ATG9B: variants seen among roughly 807,000 people sequenced by gnomAD.
ATG9B encodes the protein autophagy related 9B, also known as autophagy-related protein 9B.
A neutral mutation model predicts 92.9 loss-of-function variants in ATG9B; 92 were observed. The ratio of observed to expected loss-of-function variants is 0.99; its 90% confidence interval spans 0.84 to 1.18. The LOEUF (loss-of-function observed/expected upper bound fraction) is 1.18. Among genes scored for constraint, ATG9B ranks in the 50% most tolerant of loss-of-function variants. ATG9B has a pLI of 0.00. For synonymous variants in ATG9B, 599 were observed against 551.4 expected, an observed-to-expected ratio of 1.09 and a Z score of -1.21; for missense variants, 1,344 against 1,235.0, an observed-to-expected ratio of 1.09 and a Z score of -1.32.
intron 13 of ATG9B, 59 bp downstream of exon 13, chr7:151,015,812 TTCAAGTCGGAC>T: frequency 6.7e-7 from 1 of 1,491,714 alleles, no homozygotes; most frequent in Non-Finnish European, 9.0e-7. Context: ...CTCCCATCGC[TTCAAGTCGGAC>T]TCCAAACCAA....
downstream of ATG9B, chr7:151,014,212 C>T: frequency 1.3e-6 from 2 of 1,558,034 alleles, no homozygotes; most frequent in Non-Finnish European, 1.7e-6. Context: ...GAGCGGCTGC[C>T]CGACTCAGGT....
chr7:151,023,152 G>A lies in ATG9B; in HGVS notation c.714C>T (p.Tyr238=). 1 of 1,614,190 alleles carries A rather than the reference G, an allele frequency of 6.2e-7. No homozygotes were observed. ...TTGGTTGGTTGGCAAAGAGAACATT[G>A]TAATCCACGCATCGAAGGAGGAAGG... The part of the protein sequence containing the change: ...FTTFLLRCVD[Y]NVLFANQPSN... Residue 238 remains tyrosine (Y), a synonymous_variant, in exon 4 of 14, where the codon TAC becomes TAT. Transcript: ENST00000639579.
In ATG9B at chr7:151,018,511, G is replaced by A; in HGVS notation, c.1719-64C>T. ...TAGGAGGACGCGCGGTGGGATGTAGGGCTAGAGGGCCCCAGTGGTGGGAGA... is the reference window on the plus strand; with the variant it reads ...TAGGAGGACGCGCGGTGGGATGTAGAGCTAGAGGGCCCCAGTGGTGGGAGA... On this transcript the variant is annotated intron_variant, in intron 6 of 13. Coordinates refer to ENST00000639579, the MANE Select transcript of ATG9B (RefSeq NM_001317056.2). The surrounding 1 kb of genome is among the most constrained non-coding windows in gnomAD (Gnocchi z 4.7). The A allele has an allele frequency of 6.6e-7, 1 of 1,523,766 alleles. No homozygotes were observed. Among genetic ancestry groups the A allele is most frequent in the Non-Finnish European group, 8.8e-7 (1 of 1,137,646 alleles). The allele number at this position is 1,523,766 out of a possible 1,614,324, so 94.4% of individuals were successfully genotyped here. A position where few individuals can be genotyped will look rare whatever the true frequency, so the allele number is the denominator to read the frequency against.
chr7:151,012,535 G>T (rs528215012), downstream of ATG9B: 5 of 1,552,298 alleles, frequency 3.2e-6, no homozygotes, highest in African/African-American at 6.8e-5. Context: ...AGAGGGGTGG[G>T]GCTGGAAGGC....
In ATG9B at chr7:151,018,831, G is replaced by GGC. The variant is rs1273652431; in HGVS notation, c.1505_1506dup (p.Leu503AlafsTer52). ...GCGGCGGGGCGGTAGGCGCGGGCCAGGCGCGCGCGCAGCTCGTGCGGCAGC... is the reference window on the plus strand; with the variant it reads ...GCGGCGGGGCGGTAGGCGCGGGCCAGGCGCGCGCGCGCAGCTCGTGCGGCAGC... On this transcript the variant is annotated frameshift_variant, in exon 6 of 14. Transcript: ENST00000639579. LOFTEE classifies it high-confidence loss of function. The surrounding 1 kb of genome is among the most constrained non-coding windows in gnomAD (Gnocchi z 4.7). 2.3e-6 allele frequency: 3 copies of GGC among 1,294,734 alleles called. No individual in the cohort carries two copies. The highest frequency in any genetic ancestry group is 6.4e-5 in the East Asian group (2 of 31,010). The allele number at this position is 1,294,734 out of a possible 1,614,324, so 80.2% of individuals were successfully genotyped here.
At position 151,018,497 on chromosome 7, in the gene ATG9B, G is replaced by T. The variant is rs1365074106; in HGVS notation, c.1719-50C>A. Reference sequence around the variant, plus strand: ...AAGGGGCCTGCGATTAGGAGGACGCGCGGTGGGATGTAGGGCTAGAGGGCC... The same window carrying T: ...AAGGGGCCTGCGATTAGGAGGACGCTCGGTGGGATGTAGGGCTAGAGGGCC... On this transcript the variant is annotated intron_variant, in intron 6 of 13. Transcript: ENST00000639579. The surrounding 1 kb of genome is among the most constrained non-coding windows in gnomAD (Gnocchi z 4.7). 2 of 1,513,626 alleles carry T rather than the reference G, an allele frequency of 1.3e-6. No individual in the cohort carries two copies. The highest frequency in any genetic ancestry group is 2.2e-5 in the Admixed American group (1 of 45,838). 93.8% of individuals were successfully genotyped at this position (1,513,626 alleles called of 1,614,324 possible).
At position 151,023,705 on chromosome 7, in the gene ATG9B, C is replaced by T. The variant is rs572227770; in HGVS notation, c.576G>A (p.Leu192=). Residue 192 remains leucine (L), a synonymous_variant, in exon 2 of 14, where the codon CTG becomes CTA. Transcript: ENST00000639579. The stretch of plus-strand genomic sequence containing the variant: ...AGGATATCTTGGTGAAGAAACTGTC[C>T]AGGTTCTGGATGTGATGCCAGGAGC... ...LRGSWHHIQN[L]DSFFTKIYSY... 1 of 1,614,084 alleles carries T rather than the reference C, an allele frequency of 6.2e-7. No individual in the cohort carries two copies. The highest frequency in any genetic ancestry group is 2.2e-5 in the East Asian group (1 of 44,882).
At position 151,018,711 on chromosome 7, in the gene ATG9B, G is replaced by A. The variant is rs1225690378; in HGVS notation, c.1627C>T (p.Leu543Phe). Residue 543 changes from leucine to phenylalanine, a missense_variant, in exon 6 of 14, where the codon CTT becomes TTT. By Grantham distance (22) the Leu-to-Phe change is conservative (BLOSUM62 0). Coordinates refer to ENST00000639579, the MANE Select transcript of ATG9B (RefSeq NM_001317056.2). This position sits in a 1 kb window ranked among gnomAD's most constrained non-coding sequence, Gnocchi z 4.7. The part of the protein sequence containing the change: ...FFAGALFAAL[L>F]VLTVYDEDVL... ...TCCTCGTCGTAGACGGTGAGCACAA[G>A]CAGCGCGGCGAAGAGTGCACCCGCG... 3.1e-6 allele frequency: 5 copies of A among 1,599,472 alleles called. 1 individual carries two copies. In the South Asian group the frequency reaches 3.3e-5, roughly 11 times the overall value.
In ATG9B at chr7:151,017,116, G is replaced by C. The variant is rs534489154; in HGVS notation, c.2209C>G (p.Gln737Glu). ...GTGGCACCCCAGGCAGCTGCATCTT[G>C]TTGTACTCGGCCCCAGAGGTGCCCA... ...FLGHLWGRVQQDAAAWGATSA... is the reference protein window; with the variant it reads ...FLGHLWGRVQEDAAAWGATSA... Residue 737 changes from glutamine to glutamate, a missense_variant, in exon 9 of 14, where the codon CAA becomes GAA. By Grantham distance (29) the Gln-to-Glu change is conservative (BLOSUM62 2). Transcript: ENST00000639579. 20 of 1,612,392 alleles carry C rather than the reference G, an allele frequency of 1.2e-5. No homozygotes were observed. Among genetic ancestry groups the C allele is most frequent in the Non-Finnish European group, 1.7e-5 (20 of 1,179,644 alleles).
Position 151,019,320 on chromosome 7 carries a change from G to T in ATG9B, c.1018C>A (p.Gln340Lys), listed in dbSNP as rs1795662204. 6.4e-7 allele frequency: 1 copy of T among 1,574,636 alleles called. No homozygotes were observed. The highest frequency in any genetic ancestry group is 2.2e-5 in the East Asian group (1 of 44,520). The change falls in exon 6 of 14, where the codon CAG becomes AAG. Residue 340 changes from glutamine (Q) to lysine (K), a missense_variant. Coordinates refer to ENST00000639579, the MANE Select transcript of ATG9B (RefSeq NM_001317056.2). ...TGCACGCACAGGCCCCCGCTCCGCT[G>T]CAGTGCCAAGAGGCGGGACTGCACC... ...AEVQSRLLALQRSGGLCVQPR... is the reference protein window; with the variant it reads ...AEVQSRLLALKRSGGLCVQPR...
At chr7:151,012,450 G>A (rs753704844), downstream of ATG9B, 8 of 1,611,958 alleles carry the variant, frequency 5.0e-6, no homozygotes, top group South Asian at 7.7e-5. Context: ...GGCAGGAGCG[G>A]CTGCATGACA....
chr7:151,018,682 C>A lies in ATG9B; in HGVS notation c.1656G>T (p.Val552=). The A allele has an allele frequency of 6.2e-7, 1 of 1,605,718 alleles. No individual in the cohort carries two copies. Among genetic ancestry groups the A allele is most frequent in the Non-Finnish European group, 8.5e-7 (1 of 1,178,338 alleles). ...LLVLTVYDED[V]LAVEHVLTAM... is the part of the protein sequence containing the mutation. ...CGGTGAGCACGTGCTCCACGGCTAG[C>A]ACGTCCTCGTCGTAGACGGTGAGCA... Residue 552 remains valine (V), a synonymous_variant, in exon 6 of 14, where the codon GTG becomes GTT. Transcript: ENST00000639579. This position sits in a 1 kb window ranked among gnomAD's most constrained non-coding sequence, Gnocchi z 4.7.
downstream of ATG9B, chr7:151,012,297 G>A (rs1386708762): frequency 1.3e-6 from 2 of 1,499,914 alleles, no homozygotes; most frequent in East Asian, 2.5e-5. Flanking sequence ...TGCATGGTGA[G>A]AATGGTGGAG....
Position 151,019,468 on chromosome 7 carries a change from G to A in ATG9B, c.964-94C>T, listed in dbSNP as rs1011054482. On this transcript the variant is annotated intron_variant, in intron 5 of 13. Transcript: ENST00000639579. ...CCCTAAGTGTGCGGCCTGAAAACCCGCAAACTGAGTTTGCGATCACAAACT... is the reference window on the plus strand; with the variant it reads ...CCCTAAGTGTGCGGCCTGAAAACCCACAAACTGAGTTTGCGATCACAAACT... The A allele has an allele frequency of 4.2e-5, 61 of 1,438,108 alleles. 1 individual carries two copies. The South Asian group carries it at 4.6e-4, about 11-fold the overall frequency. The allele number at this position is 1,438,108 out of a possible 1,614,324, so 89.1% of individuals were successfully genotyped here. A position where few individuals can be genotyped will look rare whatever the true frequency, so the allele number is the denominator to read the frequency against.
Position 151,024,290 on chromosome 7 carries a change from C to G in ATG9B, c.134G>C (p.Gly45Ala), listed in dbSNP as rs934755292. Residue 45 changes from glycine (G) to alanine (A), a missense_variant, in exon 1 of 14, where the codon GGA becomes GCA. Coordinates refer to ENST00000639579, the MANE Select transcript of ATG9B (RefSeq NM_001317056.2). ...CAGAGAGAAGATGGAGATCCTCCCT[C>G]CCCCAGGTCCCCGGCATGAAGGAGG... ...PPPPSCRGPGGGRISIFSLSP... is the reference protein window; with the variant it reads ...PPPPSCRGPGAGRISIFSLSP... The G allele has an allele frequency of 2.1e-6, 3 of 1,426,576 alleles. No homozygotes were observed. The highest frequency in any genetic ancestry group is 2.8e-6 in the Non-Finnish European group (3 of 1,085,924). 88.4% of individuals were successfully genotyped at this position (1,426,576 alleles called of 1,614,324 possible). A position where few individuals can be genotyped will look rare whatever the true frequency, so the allele number is the denominator to read the frequency against.
chr7:151,016,335 C>G (rs1351865442), intron 11 of ATG9B, 96 bp downstream of exon 11: 7 of 1,503,170 alleles, frequency 4.7e-6, no homozygotes, highest in African/African-American at 1.4e-5. Context: ...TCCTGCCACT[C>G]TGCTAGACCC....
chr7:151,014,362 G>A (rs1318836283), downstream of ATG9B: 4 of 622,364 alleles, frequency 6.4e-6, no homozygotes, highest in Non-Finnish European at 1.1e-5. Flanking sequence ...CTGTTGCCTC[G>A]GGCCTGGGTC....
chr7:151,017,051 G>T lies in ATG9B; in HGVS notation c.2274C>A (p.Asn758Lys). 1 of 1,595,770 alleles carries T rather than the reference G, an allele frequency of 6.3e-7. No homozygotes were observed. The highest frequency in any genetic ancestry group is 1.1e-5 in the South Asian group (1 of 88,706). The change falls in exon 9 of 14, where the codon AAC (asparagine) becomes AAA (lysine). Residue 758 changes from asparagine (N) to lysine (K), a missense_variant. Physicochemically the swap from Asn to Lys is moderately conservative, Grantham distance 94. Coordinates refer to ENST00000639579, the MANE Select transcript of ATG9B (RefSeq NM_001317056.2). ...TGGGACTCACCAGGGGCGAGGTGCA[G>T]TTGCTGAGCACCCCCGGGGTGGAGG... is the stretch of plus-strand genomic sequence containing the variant. ...RGPSTPGVLS[N>K]CTSPLPEAFL... is the part of the protein sequence containing the mutation.
At chr7:151,020,912 T>C (rs141866060) in intron 5 of ATG9B, 2 of 320,934 alleles carry the variant, frequency 6.2e-6, no homozygotes, top group African/African-American at 4.3e-5. Context: ...CTTTCTCTTT[T>C]CTCTAATCAA....
Sources: gnomAD v4.1 joint callset for allele counts on GRCh38, gnomAD v4.1.1 for gene constraint, Gnocchi (gnomAD v3.1) non-coding constraint, MANE v1.5 for transcripts, NCBI Gene and HGNC (gene_info 2026-07-23, HGNC 2026-07-21) for gene names.